The following SCGB2B2 variants were observed in gnomAD, a reference collection of about 807,000 sequenced individuals.
SCGB2B2 encodes secretoglobin family 2B member 2.
In SCGB2B2, 11 loss-of-function variants were observed where a neutral mutation model predicts 7.6. The observed-to-expected ratio is 1.45, with a 90% confidence interval of 0.91 to 2.40. The LOEUF is 2.40. Ranked by LOEUF, SCGB2B2 falls within the 30% of genes most tolerant of loss-of-function variation. The probability of loss-of-function intolerance (pLI) is 0.00; values close to 1 mark genes in which losing one functional copy is unlikely to be tolerated. For missense variants in SCGB2B2, 104 were observed against 115.4 expected, an observed-to-expected ratio of 0.90 and a Z score of 0.45; for synonymous variants, 50 against 48.6, an observed-to-expected ratio of 1.03 and a Z score of -0.12.
downstream of SCGB2B2, among the ~76,000 whole-genome samples, chr19:34,587,808 T>C (rs1367452475): frequency 6.6e-6 from 1 of 152,202 alleles, no homozygotes; most frequent in Non-Finnish European, 1.5e-5. Context: ...TTGTACTCAT[T>C]CTGTTGATGT....
At chr19:34,631,813 A>G (rs531847694) in intron 1 of SCGB2B2, among the ~76,000 whole-genome samples, 8 of 152,302 alleles carry the variant, frequency 5.3e-5, no homozygotes, top group African/African-American at 1.7e-4. Flanking sequence ...CAAAAACAAA[A>G]CAAAATAAAA....
rs937159064 is a variant in SCGB2B2 at position 34,596,176 on chromosome 19, G to A, written c.-1613C>T. The A allele has an allele frequency of 2.6e-5, 4 of 152,258 alleles. No individual in the cohort carries two copies. Among genetic ancestry groups the A allele is most frequent in the Admixed American group, 6.5e-5 (1 of 15,278 alleles). The allele number at this position is 152,258 out of a possible 1,614,324, so 9.4% of individuals were successfully genotyped here. A position where few individuals can be genotyped will look rare whatever the true frequency, so the allele number is the denominator to read the frequency against. On this transcript the variant is annotated 5_prime_UTR_variant, in exon 2 of 4. Transcript: ENST00000601241. ...CGTCACCAGTGGCAGGGCCCTGAACGCCCCCACATTCCAGTTGTAAAGTTG... is the reference window on the plus strand; with the variant it reads ...CGTCACCAGTGGCAGGGCCCTGAACACCCCCACATTCCAGTTGTAAAGTTG...
intron 1 of SCGB2B2, among the ~76,000 whole-genome samples, chr19:34,614,362 GA>G (rs1360310732): frequency 6.6e-6 from 1 of 151,900 alleles, no homozygotes; most frequent in East Asian, 1.9e-4. Flanking sequence ...TTTAAGTTCA[GA>G]GATTCTTTCT....
Position 34,642,714 on chromosome 19 carries a change from C to CAAAAA in SCGB2B2, c.-2032+32911_-2032+32915dup, listed in dbSNP as rs55922005. On this transcript the variant is annotated intron_variant, in intron 1 of 3. Transcript: ENST00000601241. ...TGGGCGACAGAGCAAGACTCCGTCT[C>CAAAAA]AAAAAAAAAAAAAAAAAAAAAAAAA... is the stretch of plus-strand genomic sequence containing the variant. Among the ~76,000 whole-genome samples the CAAAAA allele has an allele frequency of 8.6e-3, 342 of 39,724 alleles. 58 individuals carry two copies. The highest frequency in any genetic ancestry group is 0.04 in the East Asian group (39 of 980). The allele number at this position is 39,724 out of a possible 152,430, so 26.1% of individuals were successfully genotyped here.
At chr19:34,587,093 G>A (rs923076467), downstream of SCGB2B2, among the ~76,000 whole-genome samples, 2 of 151,946 alleles carry the variant, frequency 1.3e-5, no homozygotes, top group Non-Finnish European at 2.9e-5. Flanking sequence ...ATTTTTAGTC[G>A]AGATGGGGTT....
rs1030127804 is a variant in SCGB2B2 at position 34,593,276 on chromosome 19, C to T, written c.*279G>A. 48 of 373,364 alleles carry T rather than the reference C, an allele frequency of 1.3e-4. No homozygotes were observed. The highest frequency in any genetic ancestry group is 2.0e-4 in the Admixed American group (5 of 24,434). 23.1% of individuals were successfully genotyped at this position (373,364 alleles called of 1,614,324 possible). A position where few individuals can be genotyped will look rare whatever the true frequency, so the allele number is the denominator to read the frequency against. Reference sequence around the variant, plus strand: ...TGGAGGCTGCAGTGAGCCAAGATCGCGCCAATGCACTCCAGCCACCCTCCT... The same window carrying T: ...TGGAGGCTGCAGTGAGCCAAGATCGTGCCAATGCACTCCAGCCACCCTCCT... On this transcript the variant is annotated 3_prime_UTR_variant, in exon 4 of 4. Transcript: ENST00000601241.
chr19:34,592,125 G>A lies in SCGB2B2; in HGVS notation c.*1430C>T, dbSNP rs988309183. Among the ~76,000 whole-genome samples, 1 of 152,186 alleles carries A rather than the reference G, an allele frequency of 6.6e-6. No individual in the cohort carries two copies. Among genetic ancestry groups the A allele is most frequent in the Non-Finnish European group, 1.5e-5 (1 of 68,026 alleles). ...GTGTCCTGAGATGGGGGACTGAAACGTGTGACCTGGAGGAGATGACGGCTG... is the reference window on the plus strand; with the variant it reads ...GTGTCCTGAGATGGGGGACTGAAACATGTGACCTGGAGGAGATGACGGCTG... On this transcript the variant is annotated 3_prime_UTR_variant, in exon 4 of 4. Coordinates refer to ENST00000601241, the MANE Select transcript of SCGB2B2 (RefSeq NM_001025591.4).
In SCGB2B2 at chr19:34,668,412, C is replaced by T. The variant is rs561513685; in HGVS notation, c.-2032+7218G>A. ...CGGGGCAGGGCTCGGTACCTGCAGC[C>T]TGCCAGGCCTGAGCCTCTCCCCCTC... On this transcript the variant is annotated intron_variant, in intron 1 of 3. Transcript: ENST00000601241. Among the ~76,000 whole-genome samples, 13 of 152,348 alleles carry T rather than the reference C, an allele frequency of 8.5e-5. No individual in the cohort carries two copies. In the East Asian group the frequency reaches 2.3e-3, roughly 27 times the overall value.
chr19:34,612,699 C>T (rs430621), intron 1 of SCGB2B2, among the ~76,000 whole-genome samples: 131,720 of 152,208 alleles, frequency 0.87, 57,668 homozygotes, highest in African/African-American at 0.93. Flanking sequence ...ATAAATCCAA[C>T]GTTTCTTTGT....
At chr19:34,650,421 C>A (rs1278449113) in intron 1 of SCGB2B2, among the ~76,000 whole-genome samples, 2 of 151,136 alleles carry the variant, frequency 1.3e-5, no homozygotes, top group East Asian at 3.9e-4. Context: ...TGGGCTTCAT[C>A]CAGGGTTGAT....
At chr19:34,637,981 T>C (rs1281683347) in intron 1 of SCGB2B2, 1 of 152,224 alleles carries the variant, frequency 6.6e-6, no homozygotes, top group Non-Finnish European at 1.5e-5. Flanking sequence ...TTAGAAAATG[T>C]GTTTCCTTGC....
At chr19:34,618,710 G>A (rs906775319) in intron 1 of SCGB2B2, among the ~76,000 whole-genome samples, 7 of 152,118 alleles carry the variant, frequency 4.6e-5, no homozygotes, top group African/African-American at 7.2e-5. Context: ...CCCTGCATGT[G>A]AAACTCTTTC....
At chr19:34,623,601 T>G (rs536374557) in intron 1 of SCGB2B2, among the ~76,000 whole-genome samples, 29 of 152,248 alleles carry the variant, frequency 1.9e-4, no homozygotes, top group African/African-American at 6.7e-4. Context: ...TACCTATCTC[T>G]GGGTATCCCA....
At chr19:34,609,741 G>C (rs906900787) in intron 1 of SCGB2B2, among the ~76,000 whole-genome samples, 2 of 152,034 alleles carry the variant, frequency 1.3e-5, no homozygotes, top group Non-Finnish European at 2.9e-5. Flanking sequence ...AGTCTATTTT[G>C]ACTTCAAAAA....
At position 34,614,982 on chromosome 19, in the gene SCGB2B2, A is replaced by G. The variant is rs549683885; in HGVS notation, c.-2031-18388T>C. Among the ~76,000 whole-genome samples the G allele has an allele frequency of 8.5e-5, 13 of 152,110 alleles. No homozygotes were observed. In the South Asian group the frequency reaches 1.0e-3, roughly 12 times the overall value. On this transcript the variant is annotated intron_variant, in intron 1 of 3. Transcript: ENST00000601241. The stretch of plus-strand genomic sequence containing the variant: ...TTGGTCAAGGCTTTGGGGGCCTTCC[A>G]ATTCTTATTTTTCTGCTCAGCACCA...
chr19:34,670,106 G>T (rs541166519), intron 1 of SCGB2B2, among the ~76,000 whole-genome samples: 44 of 152,256 alleles, frequency 2.9e-4, no homozygotes, highest in African/African-American at 1.0e-3. Flanking sequence ...GGATAAAGAG[G>T]TAATCGGGGC....
intron 1 of SCGB2B2, among the ~76,000 whole-genome samples, chr19:34,630,656 A>C (rs141224489): frequency 0.31 from 46,469 of 151,670 alleles, 8,296 homozygotes; most frequent in Middle Eastern, 0.47. Flanking sequence ...ACACTTTTAC[A>C]CTGTTGGTGG....
chr19:34,677,115 G>T lies in SCGB2B2; in HGVS notation c.-3517C>A, dbSNP rs1250841645. 6.6e-6 allele frequency: 1 copy of T among 151,394 alleles called. No individual in the cohort carries two copies. The highest frequency in any genetic ancestry group is 2.4e-5 in the African/African-American group (1 of 41,096). The allele number at this position is 151,394 out of a possible 1,614,324, so 9.4% of individuals were successfully genotyped here. A position where few individuals can be genotyped will look rare whatever the true frequency, so the allele number is the denominator to read the frequency against. On this transcript the variant is annotated 5_prime_UTR_variant, in exon 1 of 4. Coordinates refer to ENST00000601241, the MANE Select transcript of SCGB2B2 (RefSeq NM_001025591.4). ...TGGCGAACTACAGTCGTGACAGTCG[G>T]GCCACAGGGCGTTTTGTGAGTTATC...
At chr19:34,668,226 T>TG (rs2146190722) in intron 1 of SCGB2B2, among the ~76,000 whole-genome samples, 1 of 151,732 alleles carries the variant, frequency 6.6e-6, no homozygotes, top group African/African-American at 2.4e-5. Context: ...GGGCTGAGCG[T>TG]GGCGCTTGCG....
Sources: allele counts gnomAD v4.1 joint callset (sites outside exome capture counted in the v4.1 genomes callset), GRCh38; gene constraint gnomAD v4.1.1; transcripts MANE v1.5; gene names NCBI Gene and HGNC (gene_info 2026-07-23, HGNC 2026-07-21).